DENND4A: variants seen among roughly 807,000 people sequenced by gnomAD.
DENND4A encodes the protein DENN domain containing 4A.
Under a neutral mutation model 199.3 loss-of-function variants are expected in DENND4A, and 70 were observed. That is an observed-to-expected ratio of 0.35 (90% CI 0.29 to 0.43). DENND4A has a LOEUF of 0.43. DENND4A is among the 20% of genes least tolerant of loss of function. DENND4A has a pLI of 1.00. For synonymous variants in DENND4A, 686 were observed against 766.9 expected, an observed-to-expected ratio of 0.89 and a Z score of 1.74; for missense variants, 1,723 against 2,255.8, an observed-to-expected ratio of 0.76 and a Z score of 4.78.
At chr15:65,687,454 A>G (rs12914495) in intron 23 of DENND4A, among the ~76,000 whole-genome samples, 30,756 of 151,620 alleles carry the variant, frequency 0.2, 4,101 homozygotes, top group East Asian at 0.73. Context: ...CCAGCTATTT[A>G]CCATTTATTT....
At chr15:65,734,527 T>C (rs1237123137) in intron 7 of DENND4A, among the ~76,000 whole-genome samples, 3 of 152,168 alleles carry the variant, frequency 2.0e-5, no homozygotes, top group Non-Finnish European at 4.4e-5. Context: ...TATTTCTTTC[T>C]CTATACTTTG....
chr15:65,723,549 C>T (rs2075711526), intron 11 of DENND4A, among the ~76,000 whole-genome samples: 1 of 152,020 alleles, frequency 6.6e-6, no homozygotes, highest in Admixed American at 6.5e-5. Flanking sequence ...AGAGGATATC[C>T]GTTAAAAATG....
chr15:65,771,877 G>A, intron 1 of DENND4A: 2 of 1,611,736 alleles, frequency 1.2e-6, no homozygotes, highest in South Asian at 2.2e-5. Context: ...AAAAGCATCT[G>A]TTGCTCCAGG....
intron 2 of DENND4A, among the ~76,000 whole-genome samples, chr15:65,760,848 CCACTG>C (rs915507738): frequency 3.3e-5 from 5 of 152,026 alleles, no homozygotes; most frequent in African/African-American, 1.2e-4. Context: ...AAGATCAACG[CCACTG>C]CACTCCAGCC....
chr15:65,778,232 T>C (rs1171939669), intron 1 of DENND4A, among the ~76,000 whole-genome samples: 2 of 152,166 alleles, frequency 1.3e-5, no homozygotes, highest in South Asian at 2.1e-4. Flanking sequence ...TCTTAGACTT[T>C]ATCTGAACAA....
chr15:65,779,065 G>T (rs1393118183), intron 1 of DENND4A, among the ~76,000 whole-genome samples: 1 of 151,936 alleles, frequency 6.6e-6, no homozygotes, highest in Admixed American at 6.6e-5. Context: ...GGAATTTGAG[G>T]CCAACCTGGG....
At chr15:65,771,345 C>A in intron 1 of DENND4A, 1 of 1,589,418 alleles carries the variant, frequency 6.3e-7, no homozygotes, top group Non-Finnish European at 8.6e-7. Flanking sequence ...GTCACATAAT[C>A]TTCCTCCACA....
intron 1 of DENND4A, among the ~76,000 whole-genome samples, chr15:65,790,757 CTTAAG>C (rs561884304): frequency 2.3e-4 from 35 of 152,250 alleles, no homozygotes; most frequent in Non-Finnish European, 4.3e-4. Flanking sequence ...ATTTTGTATA[CTTAAG>C]TTTTCAGAAG....
intron 2 of DENND4A, among the ~76,000 whole-genome samples, chr15:65,760,816 T>C (rs557228616): frequency 1.3e-5 from 2 of 150,552 alleles, no homozygotes; most frequent in African/African-American, 4.9e-5. Context: ...CTGAACGCTG[T>C]AGGCAGAGGT....
chr15:65,771,365 G>A, intron 1 of DENND4A: 11 of 1,588,948 alleles, frequency 6.9e-6, no homozygotes, highest in Non-Finnish European at 9.5e-6. Context: ...ACTCTTTTCT[G>A]CCTTTTGTAA....
chr15:65,684,818 A>ATTTTTTTT (rs541989496), intron 23 of DENND4A, among the ~76,000 whole-genome samples: 3 of 104,974 alleles, frequency 2.9e-5, no homozygotes, highest in South Asian at 3.0e-4. Flanking sequence ...TTTTCTTCCA[A>ATTTTTTTT]TTTTTTTTTT....
chr15:65,663,882 C>A (rs1422451466), intron 32 of DENND4A, among the ~76,000 whole-genome samples: 2 of 151,938 alleles, frequency 1.3e-5, no homozygotes, highest in African/African-American at 4.8e-5. Flanking sequence ...AAACTCCTGG[C>A]CTCAAGCGAT....
rs573227547 is a variant in DENND4A, at chr15:65,732,328, A to C, written c.1107+424T>G. Among the ~76,000 whole-genome samples, 3 of 152,236 alleles carry C rather than the reference A, an allele frequency of 2.0e-5. No homozygotes were observed. In the East Asian group the frequency reaches 5.8e-4, roughly 29 times the overall value. ...CATGTGGATATTCAGACTGAATATA[A>C]AGCTCAAAATATTATTTTTCTAGAT... On this transcript the variant is annotated intron_variant, in intron 8 of 32. Coordinates refer to ENST00000443035, the MANE Select transcript of DENND4A (RefSeq NM_001320835.1).
At position 65,668,134 on chromosome 15, in the gene DENND4A, GA is replaced by G. The variant is rs772623561; in HGVS notation, c.4788-12del. The G allele has an allele frequency of 3.2e-6, 5 of 1,550,300 alleles. No homozygotes were observed. The highest frequency in any genetic ancestry group is 1.4e-5 in the African/African-American group (1 of 71,198). On this transcript the variant is annotated splice_polypyrimidine_tract_variant and intron_variant, in intron 27 of 32. Transcript: ENST00000443035. ...TGCAGTTTAGATTTGCTTGGGAATTGAAAAAAGAAGAAAGTGTATCAGTGTC... is the reference window on the plus strand; with the variant it reads ...TGCAGTTTAGATTTGCTTGGGAATTGAAAAAGAAGAAAGTGTATCAGTGTC...
Position 65,661,909 on chromosome 15 carries a change from C to T in DENND4A, c.5666G>A (p.Arg1889Lys), listed in dbSNP as rs2075853999. Residue 1889 changes from arginine (R) to lysine (K), a missense_variant, in exon 33 of 33, where the codon AGA (arginine) becomes AAA (lysine). By Grantham distance (26) the Arg-to-Lys change is conservative (BLOSUM62 2). This residue lies in a region of DENND4A where 164 missense variants were observed against 280.1 expected (regional missense o/e 0.59). Coordinates refer to ENST00000443035, the MANE Select transcript of DENND4A (RefSeq NM_001320835.1). Reference protein sequence around the residue: ...SQVKSTHNCDRPPSTGVMECR... With the variant: ...SQVKSTHNCDKPPSTGVMECR... ...TTCCATCACCCCTGTACTTGGTGGT[C>T]TATCACAGTTGTGTGTACTCTTGAC... is the stretch of plus-strand genomic sequence containing the variant. The T allele has an allele frequency of 1.2e-6, 2 of 1,612,888 alleles. No homozygotes were observed. The highest frequency in any genetic ancestry group is 2.2e-5 in the South Asian group (2 of 90,786).
intron 1 of DENND4A, among the ~76,000 whole-genome samples, chr15:65,785,858 C>G (rs1274896434): frequency 1.3e-5 from 2 of 152,038 alleles, no homozygotes; most frequent in Non-Finnish European, 2.9e-5. Context: ...TTCAAGAAAT[C>G]TGGAAACTTC....
Position 65,752,281 on chromosome 15 carries a change from C to CAAAAAA in DENND4A, c.561+92_561+97dup, listed in dbSNP as rs61418354. 33 of 272,676 alleles carry CAAAAAA rather than the reference C, an allele frequency of 1.2e-4. 1 individual carries two copies. The African/African-American group carries it at 1.4e-3, about 12-fold the overall frequency. The allele number at this position is 272,676 out of a possible 1,614,324, so 16.9% of individuals were successfully genotyped here. A position where few individuals can be genotyped will look rare whatever the true frequency, so the allele number is the denominator to read the frequency against. ...TCTGTAATTAAACTATGCTGTTTTC[C>CAAAAAA]AAAAAAAAAAAAAAAAAAAAAAAAA... is the stretch of plus-strand genomic sequence containing the variant. On this transcript the variant is annotated intron_variant, in intron 4 of 32. Coordinates refer to ENST00000443035, the MANE Select transcript of DENND4A (RefSeq NM_001320835.1).
At chr15:65,782,820 T>C (rs1183570462) in intron 1 of DENND4A, among the ~76,000 whole-genome samples, 2 of 152,220 alleles carry the variant, frequency 1.3e-5, no homozygotes, top group African/African-American at 4.8e-5. Context: ...CTTAATGCTC[T>C]ATCAAAGAGC....
chr15:65,789,185 A>G (rs1055690143), intron 1 of DENND4A, among the ~76,000 whole-genome samples: 2 of 151,964 alleles, frequency 1.3e-5, no homozygotes, highest in African/African-American at 2.4e-5. Context: ...GCTAAGTTTT[A>G]AAAAAAACTT....
Sources: gnomAD v4.1 joint callset for allele counts (sites outside exome capture counted in the v4.1 genomes callset) on GRCh38, gnomAD v4.1.1 for gene constraint, gnomAD v4.1.1 regional missense constraint, MANE v1.5 for transcripts, NCBI Gene and HGNC (gene_info 2026-07-23, HGNC 2026-07-21) for gene names.